LMX1B: variants seen among roughly 807,000 people sequenced by gnomAD.
LMX1B encodes LIM homeobox transcription factor 1 beta.
In LMX1B, 12 loss-of-function variants were observed where a neutral mutation model predicts 51.4. That is an observed-to-expected ratio of 0.23 (90% CI 0.15 to 0.38). The LOEUF is 0.38. LMX1B is among the 10% of genes least tolerant of loss of function. The pLI, the probability that LMX1B is intolerant of heterozygous loss-of-function variation, is 1.00. For missense variants in LMX1B, 445 were observed against 571.1 expected, an observed-to-expected ratio of 0.78 and a Z score of 2.25; for synonymous variants, 237 against 235.4, an observed-to-expected ratio of 1.01 and a Z score of -0.06.
At chr9:126,645,193 C>T (rs1470170625) in intron 2 of LMX1B, among the ~76,000 whole-genome samples, 1 of 152,194 alleles carries the variant, frequency 6.6e-6, no homozygotes, top group Non-Finnish European at 1.5e-5. Context: ...CTCCCAGAGA[C>T]CACCTCTCCC....
chr9:126,647,094 G>A (rs1478053297), intron 2 of LMX1B, among the ~76,000 whole-genome samples: 1 of 152,138 alleles, frequency 6.6e-6, no homozygotes, highest in Non-Finnish European at 1.5e-5. Flanking sequence ...TTCCCAGCCA[G>A]TCAGGAGACA....
At chr9:126,681,493 C>G (rs1836670593) in intron 2 of LMX1B, among the ~76,000 whole-genome samples, 2 of 152,152 alleles carry the variant, frequency 1.3e-5, no homozygotes, top group Non-Finnish European at 2.9e-5. Flanking sequence ...CAAGGCTTCC[C>G]CTGCCCTCCT....
At chr9:126,670,220 C>A (rs962679968) in intron 2 of LMX1B, among the ~76,000 whole-genome samples, 1 of 152,232 alleles carries the variant, frequency 6.6e-6, no homozygotes, top group Non-Finnish European at 1.5e-5. Flanking sequence ...GAAACAGCCC[C>A]CACAGCTGCC....
intron 2 of LMX1B, among the ~76,000 whole-genome samples, chr9:126,643,572 T>C (rs1324485517): frequency 2.0e-5 from 3 of 152,166 alleles, no homozygotes; most frequent in Non-Finnish European, 4.4e-5. Flanking sequence ...CTCAACAAAT[T>C]AGGTGTACAT....
At chr9:126,663,858 C>T (rs1291713331) in intron 2 of LMX1B, among the ~76,000 whole-genome samples, 2 of 152,238 alleles carry the variant, frequency 1.3e-5, no homozygotes, top group Non-Finnish European at 2.9e-5. Context: ...GACCAGGCCA[C>T]CCATGGGGCG....
Position 126,678,309 on chromosome 9 carries a change from C to CAA in LMX1B, c.327-12516_327-12515dup, listed in dbSNP as rs1365345216. Reference sequence around the variant, plus strand: ...TGGGCGACAGAGCGAGACTTCGTCTCAAAAAAAAAAAACAAAAAACAAAAA... The same window carrying CAA: ...TGGGCGACAGAGCGAGACTTCGTCTCAAAAAAAAAAAAAACAAAAAACAAAAA... On this transcript the variant is annotated intron_variant, in intron 2 of 7. Coordinates refer to ENST00000373474, the MANE Select transcript of LMX1B (RefSeq NM_001174147.2). 2.2e-3 allele frequency among the ~76,000 whole-genome samples: 145 copies of CAA among 65,956 alleles called. 3 individuals carry two copies. Among genetic ancestry groups the CAA allele is most frequent in the African/African-American group, 8.3e-3 (130 of 15,574 alleles). 43.3% of individuals were successfully genotyped at this position (65,956 alleles called of 152,430 possible).
chr9:126,690,807 G>C, intron 2 of LMX1B, 29 bp from the exon 3 acceptor site: 1 of 1,571,670 alleles, frequency 6.4e-7, no homozygotes, highest in Middle Eastern at 1.7e-4. Context: ...TCTGAGCACC[G>C]CCAACACGCC....
chr9:126,693,609 G>A lies in LMX1B; in HGVS notation c.819+8G>A, dbSNP rs775751247. The A allele has an allele frequency of 2.5e-6, 4 of 1,614,000 alleles. No individual in the cohort carries two copies. Among genetic ancestry groups the A allele is most frequent in the Middle Eastern group, 1.7e-4 (1 of 6,060 alleles). On this transcript the variant is annotated splice_region_variant and intron_variant, in intron 5 of 7. Transcript: ENST00000373474. ...CAGAACCAAAGAGCAAAGGTAAGAG[G>A]CCACCCCCCATCCCCACTGGCCCCG...
chr9:126,619,450 C>A (rs1403779354), intron 2 of LMX1B, among the ~76,000 whole-genome samples: 1 of 152,204 alleles, frequency 6.6e-6, no homozygotes, highest in Middle Eastern at 3.2e-3. Context: ...TGTACCCCAA[C>A]CAGCGAGCCC....
rs903979728 is a variant in LMX1B at position 126,690,980 on chromosome 9, G to A, written c.471G>A (p.Val157=). The A allele has an allele frequency of 3.1e-6, 5 of 1,614,000 alleles. No individual in the cohort carries two copies. Among genetic ancestry groups the A allele is most frequent in the Non-Finnish European group, 4.2e-6 (5 of 1,179,996 alleles). The change falls in exon 3 of 8, where the codon GTG becomes GTA. Residue 157 remains valine (V), a synonymous_variant. Coordinates refer to ENST00000373474, the MANE Select transcript of LMX1B (RefSeq NM_001174147.2). ...ERQLRKGDEF[V]LKEGQLLCKG... is the part of the protein sequence containing the mutation. ...AGCTACGCAAGGGCGACGAATTCGT[G>A]CTCAAGGAGGGCCAGCTGCTGTGCA...
chr9:126,651,646 C>T (rs369741503), intron 2 of LMX1B, among the ~76,000 whole-genome samples: 15 of 152,234 alleles, frequency 9.9e-5, no homozygotes, highest in African/African-American at 2.4e-4. Flanking sequence ...CCCTGGGCCC[C>T]GCTCCTCTCC....
intron 2 of LMX1B, among the ~76,000 whole-genome samples, chr9:126,666,737 G>A (rs1016928187): frequency 1.5e-4 from 23 of 152,162 alleles, no homozygotes; most frequent in African/African-American, 5.3e-4. Context: ...TGAGCAGGCC[G>A]TGATGCAGTT....
chr9:126,663,817 G>T (rs1836289154), intron 2 of LMX1B, among the ~76,000 whole-genome samples: 1 of 152,246 alleles, frequency 6.6e-6, no homozygotes, highest in Admixed American at 6.5e-5. Context: ...CTTGGCCTTG[G>T]TTGCCCTGCT....
At chr9:126,687,578 A>G (rs2118980153) in intron 2 of LMX1B, among the ~76,000 whole-genome samples, 1 of 152,296 alleles carries the variant, frequency 6.6e-6, no homozygotes, top group African/African-American at 2.4e-5. Flanking sequence ...GAGAGGTCAA[A>G]TGCCTTGCCT....
At chr9:126,666,194 C>A (rs1190322262) in intron 2 of LMX1B, among the ~76,000 whole-genome samples, 1 of 152,230 alleles carries the variant, frequency 6.6e-6, no homozygotes, top group Non-Finnish European at 1.5e-5. Context: ...TCACCACCTC[C>A]TGGGGGGCAG....
At chr9:126,669,278 TATGAGAACTCCCGGCGG>T (rs376783914) in intron 2 of LMX1B, among the ~76,000 whole-genome samples, 98 of 152,122 alleles carry the variant, frequency 6.4e-4, no homozygotes, top group African/African-American at 2.2e-3. Flanking sequence ...CTCCTGTAGA[TATGAGAACTCCCGGCGG>T]ATGAGGCCTG....
chr9:126,689,342 A>G (rs1383526685), intron 2 of LMX1B, among the ~76,000 whole-genome samples: 5 of 152,314 alleles, frequency 3.3e-5, no homozygotes, highest in Admixed American at 6.5e-5. Context: ...AGTGCCTCCC[A>G]TTTATGGCCA....
chr9:126,676,455 G>T (rs1836566249), intron 2 of LMX1B, among the ~76,000 whole-genome samples: 1 of 152,234 alleles, frequency 6.6e-6, no homozygotes, highest in African/African-American at 2.4e-5. Flanking sequence ...GGGAATGGAT[G>T]AAGTGGCAGG....
rs547677751 is a variant in LMX1B, at chr9:126,681,816, G to T, written c.327-9020G>T. Among the ~76,000 whole-genome samples, 241 of 151,950 alleles carry T rather than the reference G, an allele frequency of 1.6e-3. 2 individuals are homozygous for T. The highest frequency in any genetic ancestry group is 5.6e-3 in the African/African-American group (232 of 41,426). ...CTTGGGAGGCTGAGGCAGGAGAATT[G>T]CTTGAACCCGGGAGGCAGAGGTTGC... On this transcript the variant is annotated intron_variant, in intron 2 of 7. Coordinates refer to ENST00000373474, the MANE Select transcript of LMX1B (RefSeq NM_001174147.2).
Sources: allele counts gnomAD v4.1 joint callset (sites outside exome capture counted in the v4.1 genomes callset), GRCh38; gene constraint gnomAD v4.1.1; transcripts MANE v1.5; gene names NCBI Gene and HGNC (gene_info 2026-07-23, HGNC 2026-07-21).